MLPH: variants seen among roughly 807,000 people sequenced by gnomAD.
The protein encoded by MLPH is melanophilin.
MLPH carries 51 observed loss-of-function variants against 72.1 expected under a neutral mutation model. That is an observed-to-expected ratio of 0.71 (90% confidence interval 0.56 to 0.89). The LOEUF is 0.89. Ranked by LOEUF, MLPH falls within the 40% of genes least tolerant of loss-of-function variation. The pLI, the probability that MLPH is intolerant of heterozygous loss-of-function variation, is 0.00. For synonymous variants in MLPH, 301 were observed against 310.1 expected (o/e 0.97, Z 0.31); for missense variants, 743 against 759.9 (o/e 0.98, Z 0.26).
At chr2:237,535,560 G>A (rs1285011782) in intron 9 of MLPH, among the ~76,000 whole-genome samples, 1 of 152,132 alleles carries the variant, frequency 6.6e-6, no homozygotes, top group African/African-American at 2.4e-5. Context: ...AGGGAGTAGG[G>A]ACCCAGTCCT....
intron 9 of MLPH, among the ~76,000 whole-genome samples, chr2:237,535,900 G>T (rs150634592): frequency 3.9e-5 from 6 of 152,296 alleles, no homozygotes; most frequent in Non-Finnish European, 7.4e-5. Flanking sequence ...GATCTTGAGA[G>T]GGGTCTCATC....
intron 5 of MLPH, among the ~76,000 whole-genome samples, chr2:237,519,601 C>G (rs965400016): frequency 1.3e-5 from 2 of 152,166 alleles, no homozygotes; most frequent in Non-Finnish European, 2.9e-5. Flanking sequence ...CTTGCCTGCC[C>G]CCTAGGCGGG....
At position 237,505,696 on chromosome 2, in the gene MLPH, A is replaced by G. The variant is rs966686624; in HGVS notation, c.111-4878A>G. On this transcript the variant is annotated intron_variant, in intron 2 of 15. Coordinates refer to ENST00000264605, the MANE Select transcript of MLPH (RefSeq NM_024101.7). The surrounding 1 kb of genome is among the most constrained non-coding windows in gnomAD (Gnocchi z 4.5). ...GGCTCACCAATCCTGTCCAGACCCCATCATAGGAGCGGCCTTTCCTTCCTG... is the reference window on the plus strand; with the variant it reads ...GGCTCACCAATCCTGTCCAGACCCCGTCATAGGAGCGGCCTTTCCTTCCTG... 6.6e-6 allele frequency among the ~76,000 whole-genome samples: 1 copy of G among 152,106 alleles called. No homozygotes were observed. The highest frequency in any genetic ancestry group is 1.5e-5 in the Non-Finnish European group (1 of 67,996).
At chr2:237,521,692 G>A (rs1322402341) in intron 6 of MLPH, among the ~76,000 whole-genome samples, 1 of 152,254 alleles carries the variant, frequency 6.6e-6, no homozygotes, top group Admixed American at 6.5e-5. Flanking sequence ...CTTTTCTATT[G>A]AAGGGTAGAA....
intron 2 of MLPH, among the ~76,000 whole-genome samples, chr2:237,498,565 C>T (rs2079582935): frequency 6.6e-6 from 1 of 152,226 alleles, no homozygotes; most frequent in Non-Finnish European, 1.5e-5. Flanking sequence ...CAGGCCTGCC[C>T]CTCCCTCCAA....
intron 13 of MLPH, among the ~76,000 whole-genome samples, chr2:237,547,952 CA>C (rs2080953914): frequency 6.6e-6 from 1 of 152,146 alleles, no homozygotes; most frequent in Admixed American, 6.5e-5. Context: ...CAGCCCAGCG[CA>C]GCAGGGAGCC....
At chr2:237,537,231 T>A (rs2080551767) in intron 9 of MLPH, among the ~76,000 whole-genome samples, 1 of 152,216 alleles carries the variant, frequency 6.6e-6, no homozygotes, top group Non-Finnish European at 1.5e-5. Flanking sequence ...TTGTCATGTG[T>A]TTTCCACACA....
chr2:237,534,420 C>T, intron 8 of MLPH, 144 bp from the exon 9 acceptor site: 1 of 734,154 alleles, frequency 1.4e-6, no homozygotes, highest in South Asian at 1.4e-5. Flanking sequence ...CACAATTAAC[C>T]TTCCCAGGCC....
At chr2:237,546,727 G>A in intron 13 of MLPH, 44 bp downstream of exon 13, 1 of 1,529,374 alleles carries the variant, frequency 6.5e-7, no homozygotes. Context: ...GACAAAGGTG[G>A]AAGACTGCAC....
At chr2:237,495,719 T>C (rs765942761) in intron 2 of MLPH, among the ~76,000 whole-genome samples, 10 of 152,186 alleles carry the variant, frequency 6.6e-5, no homozygotes, top group East Asian at 3.9e-4. Flanking sequence ...GATTTCATTA[T>C]AGCCCAGGTT....
intron 9 of MLPH, among the ~76,000 whole-genome samples, chr2:237,536,704 G>T (rs1263842493): frequency 2.1e-4 from 32 of 152,170 alleles, no homozygotes; most frequent in Admixed American, 2.0e-3. Flanking sequence ...TGCCTCTCAG[G>T]TGGACACTGG....
intron 8 of MLPH, among the ~76,000 whole-genome samples, chr2:237,530,332 C>T (rs922213541): frequency 2.6e-5 from 4 of 152,212 alleles, no homozygotes; most frequent in African/African-American, 7.2e-5. Context: ...GGGGCTCCTC[C>T]GACATCCTGT....
At chr2:237,514,276 T>G (rs564623439) in intron 4 of MLPH, among the ~76,000 whole-genome samples, 74 of 152,268 alleles carry the variant, frequency 4.9e-4, no homozygotes, top group African/African-American at 1.7e-3. Flanking sequence ...TTTAATGTTT[T>G]TTTTTAGAGA....
Position 237,510,969 on chromosome 2 carries a change from G to A in MLPH, c.333-20G>A, listed in dbSNP as rs1365679539. On this transcript the variant is annotated intron_variant, in intron 3 of 15. Transcript: ENST00000264605. The surrounding 1 kb of genome is among the most constrained non-coding windows in gnomAD (Gnocchi z 4.4). Reference sequence around the variant, plus strand: ...GTACAGCACTCAGGCAGTGCCATGAGCCTGTGCTTGTCCCTGCAGAGTCGT... The same window carrying A: ...GTACAGCACTCAGGCAGTGCCATGAACCTGTGCTTGTCCCTGCAGAGTCGT... 1 of 1,603,150 alleles carries A rather than the reference G, an allele frequency of 6.2e-7. No individual in the cohort carries two copies.
intron 9 of MLPH, among the ~76,000 whole-genome samples, chr2:237,537,100 C>T (rs1182776925): frequency 6.6e-6 from 1 of 152,246 alleles, no homozygotes; most frequent in Non-Finnish European, 1.5e-5. Context: ...TCTGGGGCCA[C>T]CAGCATCCTG....
At chr2:237,532,441 G>A in intron 8 of MLPH, among the ~76,000 whole-genome samples, 1 of 152,240 alleles carries the variant, frequency 6.6e-6, no homozygotes, top group Non-Finnish European at 1.5e-5. Flanking sequence ...GACGGGAGAG[G>A]AAACGGCCCT....
chr2:237,544,482 A>G (rs953192474), intron 12 of MLPH, among the ~76,000 whole-genome samples: 1 of 36,458 alleles, frequency 2.7e-5, no homozygotes, highest in South Asian at 1.2e-3. Context: ...GACAGTGGTG[A>G]GTGGGGGGGA....
rs139390935 is a variant in MLPH, at chr2:237,525,758, C to T, written c.833C>T (p.Pro278Leu). 701 of 1,613,816 alleles carry T rather than the reference C, an allele frequency of 4.3e-4. 7 individuals are homozygous for T. The South Asian group carries it at 5.3e-3, about 12-fold the overall frequency. Residue 278 changes from proline (P) to leucine (L), a missense_variant, in exon 7 of 16, where the codon CCG (proline) becomes CTG (leucine). Physicochemically the swap from Pro to Leu is moderately conservative, Grantham distance 98 (BLOSUM62 -3). Transcript: ENST00000264605. ...SRHGALAELC[P>L]PGGSHRMALG... is the part of the protein sequence containing the mutation. ...CACGGCGCCCTGGCTGAGCTCTGCCCGCCTGGAGGCTCCCACAGGATGGCC... is the reference window on the plus strand; with the variant it reads ...CACGGCGCCCTGGCTGAGCTCTGCCTGCCTGGAGGCTCCCACAGGATGGCC...
chr2:237,514,922 T>C (rs1349013746), intron 4 of MLPH, among the ~76,000 whole-genome samples: 3 of 152,170 alleles, frequency 2.0e-5, no homozygotes, highest in Non-Finnish European at 4.4e-5. Flanking sequence ...AGCAAAGCAG[T>C]GAATGGCAGT....
Sources: allele counts gnomAD v4.1 joint callset (sites outside exome capture counted in the v4.1 genomes callset), GRCh38; gene constraint gnomAD v4.1.1; non-coding constraint Gnocchi (gnomAD v3.1); transcripts MANE v1.5; gene names NCBI Gene and HGNC (gene_info 2026-07-23, HGNC 2026-07-21).